DIP2C: variants seen among roughly 807,000 people sequenced by gnomAD.
DIP2C encodes DIP2 acetate--CoA ligase C (putative).
In DIP2C, 33 loss-of-function variants were observed where a neutral mutation model predicts 192.4. The observed-to-expected ratio is 0.17, with a 90% CI of 0.13 to 0.23. The LOEUF is 0.23. Among genes scored for constraint, DIP2C ranks in the 10% least tolerant of loss-of-function variants. DIP2C has a pLI of 1.00. For synonymous variants in DIP2C, 979 were observed against 864.1 expected, an observed-to-expected ratio of 1.13 and a Z score of -2.33; for missense variants, 1,537 against 2,110.1, an observed-to-expected ratio of 0.73 and a Z score of 5.32.
Position 554,142 on chromosome 10 carries a change from G to A in DIP2C, c.86-67612C>T, listed in dbSNP as rs535555532. On this transcript the variant is annotated intron_variant, in intron 1 of 36. Coordinates refer to ENST00000280886, the MANE Select transcript of DIP2C (RefSeq NM_014974.3). ...AGGAAATATACATCTTAGGAGAAAA[G>A]GTACAGCTTGTAACTAAGAGTGGTG... is the stretch of plus-strand genomic sequence containing the variant. 4.0e-5 allele frequency among the ~76,000 whole-genome samples: 6 copies of A among 149,690 alleles called. No individual in the cohort carries two copies. In the East Asian group the frequency reaches 1.2e-3, roughly 30 times the overall value.
chr10:675,348 TAAAC>T lies in DIP2C; in HGVS notation c.85+14142_85+14145del, dbSNP rs565347803. Among the ~76,000 whole-genome samples the T allele has an allele frequency of 1.3e-3, 190 of 150,974 alleles. 1 individual carries two copies. The Middle Eastern group carries it at 0.017, about 14-fold the overall frequency. ...CCTACATTAAAAAAAAGATTTAAAA[TAAAC>T]AACCTAACAATGAACTGCAATGAGC... On this transcript the variant is annotated intron_variant, in intron 1 of 36. Transcript: ENST00000280886.
chr10:486,423 A>G, intron 2 of DIP2C, 36 bp downstream of exon 2: 2 of 1,545,804 alleles, frequency 1.3e-6, no homozygotes, highest in Non-Finnish European at 1.7e-6. Flanking sequence ...AATGCGGGAA[A>G]TGAGAGGACT....
In DIP2C at chr10:689,358, G is replaced by A; in HGVS notation, c.85+136C>T. 2 of 366,044 alleles carry A rather than the reference G, an allele frequency of 5.5e-6. No homozygotes were observed. The highest frequency in any genetic ancestry group is 7.6e-6 in the Non-Finnish European group (2 of 262,040). 22.7% of individuals were successfully genotyped at this position (366,044 alleles called of 1,614,324 possible). On this transcript the variant is annotated intron_variant, in intron 1 of 36. Transcript: ENST00000280886. The surrounding 1 kb of genome is among the most constrained non-coding windows in gnomAD (Gnocchi z 6.1). ...CGGGGTCTGGGGGTCCGGGGGACGC[G>A]CACGCTCCGGGCTGGGGTCGCACCT...
At chr10:450,564 A>G (rs1417046107) in intron 3 of DIP2C, among the ~76,000 whole-genome samples, 1 of 152,224 alleles carries the variant, frequency 6.6e-6, no homozygotes, top group African/African-American at 2.4e-5. Context: ...ATTCTTCTGA[A>G]AGGCCACTGG....
intron 5 of DIP2C, among the ~76,000 whole-genome samples, 178 bp from the exon 6 acceptor site, chr10:419,377 G>C (rs1966020956): frequency 6.6e-6 from 1 of 152,212 alleles, no homozygotes; most frequent in African/African-American, 2.4e-5. Context: ...GGGGACCCCA[G>C]CATAACTCAT....
chr10:424,796 A>G (rs1400301365), intron 4 of DIP2C, among the ~76,000 whole-genome samples: 1 of 152,164 alleles, frequency 6.6e-6, no homozygotes, highest in Non-Finnish European at 1.5e-5. Context: ...TCTTCTCACA[A>G]CTCTTTACAA....
chr10:603,682 C>T (rs1160859633), intron 1 of DIP2C, among the ~76,000 whole-genome samples: 3 of 152,210 alleles, frequency 2.0e-5, no homozygotes, highest in Non-Finnish European at 2.9e-5. Context: ...GCTGATACAA[C>T]AGGGTTACTT....
intron 1 of DIP2C, among the ~76,000 whole-genome samples, chr10:548,938 A>AAAAAAAAG (rs1848451009): frequency 7.0e-6 from 1 of 142,368 alleles, no homozygotes; most frequent in Non-Finnish European, 1.5e-5. Context: ...AAAAAAAAAA[A>AAAAAAAAG]GTGAGTAAAG....
At chr10:633,989 G>T (rs917456342) in intron 1 of DIP2C, among the ~76,000 whole-genome samples, 1 of 152,172 alleles carries the variant, frequency 6.6e-6, no homozygotes, top group Non-Finnish European at 1.5e-5. Context: ...TGGCTTCACT[G>T]CTGAAGGGAC....
rs1263293460 is a variant in DIP2C at position 480,167 on chromosome 10, G to A, written c.157+6292C>T. Among the ~76,000 whole-genome samples the A allele has an allele frequency of 3.1e-4, 43 of 137,348 alleles. 1 individual carries two copies. Among genetic ancestry groups the A allele is most frequent in the Non-Finnish European group, 2.8e-4 (18 of 65,196 alleles). 90.1% of individuals were successfully genotyped at this position (137,348 alleles called of 152,430 possible). On this transcript the variant is annotated intron_variant, in intron 2 of 36. Transcript: ENST00000280886. ...CATACTCACTGGATGAGTCTCACCC[G>A]CCAGCCTGAGCCCCGGTCCATGCTC... is the stretch of plus-strand genomic sequence containing the variant.
chr10:532,650 TGAGAGAGA>T (rs1188687362), intron 1 of DIP2C, among the ~76,000 whole-genome samples: 1,317 of 97,340 alleles, frequency 0.014, 60 homozygotes, highest in South Asian at 0.023. Flanking sequence ...AGTATGGGTG[TGAGAGAGA>T]GTATGGGTGT....
chr10:315,931 G>A (rs1956757040), intron 31 of DIP2C, among the ~76,000 whole-genome samples: 4 of 152,054 alleles, frequency 2.6e-5, no homozygotes. Flanking sequence ...TCTTTCCTCT[G>A]CTGTATCTAG....
chr10:288,299 T>G (rs1340999966), intron 33 of DIP2C, 65 bp downstream of exon 33: 1 of 1,450,280 alleles, frequency 6.9e-7, no homozygotes, highest in Non-Finnish European at 9.4e-7. Flanking sequence ...TTCCTAAAAT[T>G]TCAAAGCCCA....
At chr10:342,932 A>C (rs1958228696) in intron 28 of DIP2C, among the ~76,000 whole-genome samples, 1 of 152,258 alleles carries the variant, frequency 6.6e-6, no homozygotes, top group South Asian at 2.1e-4. Flanking sequence ...TTTCTAGCCA[A>C]ACAAACCTCA....
intron 31 of DIP2C, among the ~76,000 whole-genome samples, chr10:316,598 G>A (rs571686627): frequency 3.3e-5 from 5 of 152,184 alleles, no homozygotes; most frequent in Admixed American, 2.6e-4. Context: ...GAGTTCCCAC[G>A]GTGATTTGGG....
intron 1 of DIP2C, among the ~76,000 whole-genome samples, chr10:585,719 C>T (rs530454893): frequency 5.3e-5 from 8 of 152,258 alleles, no homozygotes; most frequent in East Asian, 3.9e-4. Context: ...CTGCCACAAA[C>T]GCCGCTGCAA....
intron 32 of DIP2C, among the ~76,000 whole-genome samples, chr10:302,802 C>T (rs771536542): frequency 6.6e-6 from 1 of 152,118 alleles, no homozygotes. Context: ...AAATGGTGCA[C>T]CCATATAGGG....
chr10:533,648 A>AT (rs1427543987), intron 1 of DIP2C, among the ~76,000 whole-genome samples: 1 of 129,790 alleles, frequency 7.7e-6, no homozygotes, highest in African/African-American at 3.8e-5. Context: ...AGAGATACCT[A>AT]CCAAAAAAAA....
chr10:380,464 C>G (rs1440542994), intron 17 of DIP2C, among the ~76,000 whole-genome samples: 1 of 152,100 alleles, frequency 6.6e-6, no homozygotes, highest in African/African-American at 2.4e-5. Context: ...TGATGGTTAA[C>G]AGGCAGAAGA....
Sources: gnomAD v4.1 joint callset for allele counts (sites outside exome capture counted in the v4.1 genomes callset) on GRCh38, gnomAD v4.1.1 for gene constraint, Gnocchi (gnomAD v3.1) non-coding constraint, MANE v1.5 for transcripts, NCBI Gene and HGNC (gene_info 2026-07-23, HGNC 2026-07-21) for gene names.